FRMD1: variants seen among roughly 807,000 people sequenced by gnomAD.
FRMD1 encodes FERM domain containing 1.
A neutral mutation model predicts 54.9 loss-of-function variants in FRMD1; 51 were observed. The observed-to-expected ratio is 0.93, with a 90% confidence interval of 0.74 to 1.17. The LOEUF (loss-of-function observed/expected upper bound fraction) is 1.17. FRMD1 is among the 50% of genes most tolerant of loss of function. The probability of loss-of-function intolerance (pLI) is 0.00; values close to 1 mark genes in which losing one functional copy is unlikely to be tolerated. For synonymous variants in FRMD1, 324 were observed against 306.4 expected (o/e 1.06, Z -0.60); for missense variants, 729 against 743.0 (o/e 0.98, Z 0.22).
At chr6:168,083,103 C>T (rs570324635), upstream of FRMD1, among the ~76,000 whole-genome samples, 10 of 152,296 alleles carry the variant, frequency 6.6e-5, no homozygotes, top group East Asian at 7.7e-4. Context: ...GACAGCCCTG[C>T]GGAAGCCACG....
Position 168,061,980 on chromosome 6 carries a change from C to G in FRMD1, c.872G>C (p.Gly291Ala), listed in dbSNP as rs1471282367. The G allele has an allele frequency of 1.3e-6, 2 of 1,592,234 alleles. No homozygotes were observed. Among genetic ancestry groups the G allele is most frequent in the East Asian group, 2.3e-5 (1 of 43,732 alleles). Residue 291 changes from glycine to alanine, a missense_variant and splice_region_variant, in exon 8 of 11, where the codon GGA (glycine) becomes GCA (alanine). By Grantham distance (60) the Gly-to-Ala change is moderately conservative. Transcript: ENST00000283309. Reference protein sequence around the residue: ...LALRGVHIYQGKKLEIQLDGL... With the variant: ...LALRGVHIYQAKKLEIQLDGL... ...ATCCAGCTGGATCTCCAGCTTCTTT[C>G]CCTGAGCAAACAGGAGAGAAGTTGC... is the stretch of plus-strand genomic sequence containing the variant.
chr6:168,071,715 C>T (rs923629821), intron 2 of FRMD1, among the ~76,000 whole-genome samples: 3 of 152,244 alleles, frequency 2.0e-5, no homozygotes, highest in Non-Finnish European at 4.4e-5. Flanking sequence ...AAAGCCCTCC[C>T]ACCTGGGAAC....
chr6:168,062,578 C>T, intron 7 of FRMD1: 2 of 1,302,936 alleles, frequency 1.5e-6, no homozygotes, highest in Non-Finnish European at 1.1e-6. Flanking sequence ...GGACCTGCAC[C>T]TCTTCGGGTG....
At chr6:168,075,607 G>A (rs1272178829) in intron 1 of FRMD1, 1 of 776,482 alleles carries the variant, frequency 1.3e-6, no homozygotes, top group African/African-American at 1.7e-5. Flanking sequence ...TCTGTCTCTG[G>A]TGTGAGGATT....
intron 2 of FRMD1, among the ~76,000 whole-genome samples, chr6:168,070,776 C>T (rs1055204321): frequency 6.6e-6 from 1 of 152,192 alleles, no homozygotes; most frequent in Non-Finnish European, 1.5e-5. Context: ...AGTGTGCGTG[C>T]GCGTCCTACT....
intron 2 of FRMD1, among the ~76,000 whole-genome samples, chr6:168,068,964 C>T (rs1286366857): frequency 6.6e-6 from 1 of 152,226 alleles, no homozygotes; most frequent in African/African-American, 2.4e-5. Flanking sequence ...GGCGTTAGAC[C>T]CAGGGGGAGG....
upstream of FRMD1, among the ~76,000 whole-genome samples, chr6:168,080,150 AG>A (rs1183003324): frequency 6.6e-6 from 1 of 152,028 alleles, no homozygotes; most frequent in Non-Finnish European, 1.5e-5. Context: ...AGCCGCCTTA[AG>A]GCCTGGCCCG....
intron 4 of FRMD1, chr6:168,065,275 C>T: frequency 1.5e-6 from 2 of 1,321,400 alleles, no homozygotes; most frequent in Non-Finnish European, 1.9e-6. Flanking sequence ...TTGCTGCCAC[C>T]AAGGAGCCAC....
At position 168,057,078 on chromosome 6, in the gene FRMD1, A is replaced by C. The variant is rs2114939423; in HGVS notation, c.*19T>G. 1.4e-6 allele frequency: 2 copies of C among 1,464,740 alleles called. No homozygotes were observed. The highest frequency in any genetic ancestry group is 5.1e-5 in the East Asian group (2 of 39,332). The allele number at this position is 1,464,740 out of a possible 1,614,324, so 90.7% of individuals were successfully genotyped here. A position where few individuals can be genotyped will look rare whatever the true frequency, so the allele number is the denominator to read the frequency against. On this transcript the variant is annotated 3_prime_UTR_variant, in exon 11 of 11. Transcript: ENST00000283309. ...GGCTGAGCCTGGCGGTGCGGACGGT[A>C]CTGCTGGGTGGGTGGTGCCTACACC...
At position 168,059,284 on chromosome 6, in the gene FRMD1, C is replaced by T. The variant is rs1421694602; in HGVS notation, c.1343-96G>A. On this transcript the variant is annotated intron_variant, in intron 9 of 10. Transcript: ENST00000283309. The surrounding 1 kb of genome is among the most constrained non-coding windows in gnomAD (Gnocchi z 4.4). Reference sequence around the variant, plus strand: ...CCCTGCACTTCTGGGGCCCTGGTCTCGGACCGGCATCTCCTGAGGCTCACA... The same window carrying T: ...CCCTGCACTTCTGGGGCCCTGGTCTTGGACCGGCATCTCCTGAGGCTCACA... 27 of 1,036,302 alleles carry T rather than the reference C, an allele frequency of 2.6e-5. No individual in the cohort carries two copies. Among genetic ancestry groups the T allele is most frequent in the African/African-American group, 7.9e-5 (5 of 63,244 alleles). The allele number at this position is 1,036,302 out of a possible 1,614,324, so 64.2% of individuals were successfully genotyped here.
intron 1 of FRMD1, 116 bp from the exon 2 acceptor site, chr6:168,075,451 T>C (rs994667188): frequency 3.3e-5 from 26 of 795,618 alleles, no homozygotes; most frequent in African/African-American, 2.5e-4. Flanking sequence ...AGGCATCCCC[T>C]GCAGGTAACA....
intron 2 of FRMD1, among the ~76,000 whole-genome samples, chr6:168,073,174 G>T (rs1800393051): frequency 6.6e-6 from 1 of 152,146 alleles, no homozygotes; most frequent in South Asian, 2.1e-4. Context: ...GCTGGGTGTA[G>T]TTTCCCACCT....
Position 168,078,927 on chromosome 6 carries a change from G to T in FRMD1, c.168C>A (p.Val56=). ...MDAMASEHRD[V]LVLLPSREQL... is the part of the protein sequence containing the mutation. Reference sequence around the variant, plus strand: ...GCTCCCGGCTGGGCAGCAGCACGAGGACATCCCTGTGTTCCGAGGCCATCG... The same window carrying T: ...GCTCCCGGCTGGGCAGCAGCACGAGTACATCCCTGTGTTCCGAGGCCATCG... Residue 56 remains valine, a synonymous_variant, in exon 1 of 11, where the codon GTC becomes GTA. Coordinates refer to ENST00000283309, the MANE Select transcript of FRMD1 (RefSeq NM_024919.6). 6.2e-7 allele frequency: 1 copy of T among 1,607,056 alleles called. No homozygotes were observed.
At chr6:168,089,060 C>A (rs936896511) in intron 1 of FRMD1, among the ~76,000 whole-genome samples, 5 of 152,242 alleles carry the variant, frequency 3.3e-5, no homozygotes, top group African/African-American at 1.2e-4. Context: ...AAAATAACTT[C>A]ATCCCAGGGC....
At chr6:168,065,200 G>C (rs1297708041) in intron 4 of FRMD1, 143 bp from the exon 5 acceptor site, 2 of 1,423,812 alleles carry the variant, frequency 1.4e-6, no homozygotes, top group Non-Finnish European at 1.8e-6. Flanking sequence ...TATACCCACA[G>C]CTGTGTCCCT....
At chr6:168,085,033 A>G (rs6455479), upstream of FRMD1, among the ~76,000 whole-genome samples, 136,189 of 152,294 alleles carry the variant, frequency 0.89, 60,891 homozygotes, top group South Asian at 0.91. Context: ...TGCCAAGCAG[A>G]CACATTCCCA....
chr6:168,083,113 G>A (rs1323695100), upstream of FRMD1, among the ~76,000 whole-genome samples: 1 of 152,202 alleles, frequency 6.6e-6, no homozygotes, highest in Admixed American at 6.5e-5. Context: ...CGGAAGCCAC[G>A]GGGCCGTATT....
Position 168,059,273 on chromosome 6 carries a change from G to C in FRMD1, c.1343-85C>G, listed in dbSNP as rs535078988. 4.2e-6 allele frequency: 5 copies of C among 1,195,740 alleles called. No individual in the cohort carries two copies. Among genetic ancestry groups the C allele is most frequent in the Non-Finnish European group, 5.9e-6 (5 of 845,060 alleles). 74.1% of individuals were successfully genotyped at this position (1,195,740 alleles called of 1,614,324 possible). ...CCAGGGCAGTTCCCTGCACTTCTGG[G>C]GCCCTGGTCTCGGACCGGCATCTCC... is the stretch of plus-strand genomic sequence containing the variant. On this transcript the variant is annotated intron_variant, in intron 9 of 10. Coordinates refer to ENST00000283309, the MANE Select transcript of FRMD1 (RefSeq NM_024919.6). The surrounding 1 kb of genome is among the most constrained non-coding windows in gnomAD (Gnocchi z 4.4).
intron 1 of FRMD1, among the ~76,000 whole-genome samples, chr6:168,087,842 C>G (rs895234589): frequency 5.9e-5 from 9 of 152,160 alleles, no homozygotes; most frequent in African/African-American, 2.2e-4. Flanking sequence ...CACCACCCGT[C>G]TGGGCACGGA....
Sources: allele counts gnomAD v4.1 joint callset (sites outside exome capture counted in the v4.1 genomes callset), GRCh38; gene constraint gnomAD v4.1.1; non-coding constraint Gnocchi (gnomAD v3.1); transcripts MANE v1.5; gene names NCBI Gene and HGNC (gene_info 2026-07-23, HGNC 2026-07-21).